Variants in ADGRD1 observed in about 807,000 individuals in gnomAD.
ADGRD1 encodes adhesion G protein-coupled receptor D1, also known as G-protein coupled receptor 133.
In ADGRD1, 77 loss-of-function variants were observed where a neutral mutation model predicts 113.4. That is an observed-to-expected ratio of 0.68 (90% CI 0.57 to 0.82). ADGRD1 has a LOEUF of 0.82. ADGRD1 is among the 40% of genes least tolerant of loss of function. The pLI is 0.00. For missense variants in ADGRD1, 1,036 were observed against 1,139.1 expected (o/e 0.91, Z 1.30); for synonymous variants, 474 against 475.0 (o/e 1.00, Z 0.03).
At chr12:131,017,255 A>T (rs552230999) in intron 13 of ADGRD1, among the ~76,000 whole-genome samples, 1 of 151,208 alleles carries the variant, frequency 6.6e-6, no homozygotes, top group Non-Finnish European at 1.5e-5. Flanking sequence ...ACATACACTC[A>T]GTCCACACAC....
At chr12:130,976,559 G>A (rs1872335194) in intron 4 of ADGRD1, among the ~76,000 whole-genome samples, 1 of 152,242 alleles carries the variant, frequency 6.6e-6, no homozygotes, top group African/African-American at 2.4e-5. Context: ...CGGAATCCGC[G>A]GCTGACTATA....
In ADGRD1 at chr12:131,038,546, C is replaced by T. The variant is rs977872196; in HGVS notation, c.1473+24206C>T. The stretch of plus-strand genomic sequence containing the variant: ...ACAACAGAGGGGCCGATACTACAGT[C>T]GGGGGGCAGACATGGCAAGTGGAAA... On this transcript the variant is annotated intron_variant, in intron 13 of 24. Coordinates refer to ENST00000261654, the MANE Select transcript of ADGRD1 (RefSeq NM_198827.5). 2.0e-5 allele frequency among the ~76,000 whole-genome samples: 3 copies of T among 152,212 alleles called. No homozygotes were observed. In the South Asian group the frequency reaches 6.2e-4, roughly 32 times the overall value.
chr12:131,054,665 G>A (rs1008980914), intron 13 of ADGRD1, among the ~76,000 whole-genome samples: 2 of 152,162 alleles, frequency 1.3e-5, no homozygotes, highest in Non-Finnish European at 2.9e-5. Flanking sequence ...AGTCTCTGCT[G>A]CGCTGAGAAC....
rs370096076 is a variant in ADGRD1, at chr12:130,959,936, C to A, written c.103+5276C>A. 1.1e-4 allele frequency among the ~76,000 whole-genome samples: 17 copies of A among 152,236 alleles called. No homozygotes were observed. The East Asian group carries it at 2.3e-3, about 21-fold the overall frequency. On this transcript the variant is annotated intron_variant, in intron 2 of 24. Transcript: ENST00000261654. ...AGCCACTTCTCACTTTACAGGGAAG[C>A]CAGGAGGTAGGTTTGGAGAGGGAAA...
intron 12 of ADGRD1, among the ~76,000 whole-genome samples, chr12:131,009,824 T>C (rs1877647188): frequency 6.6e-6 from 1 of 152,236 alleles, no homozygotes; most frequent in South Asian, 2.1e-4. Flanking sequence ...GTGGTATGTG[T>C]GTGTCAAGTG....
At chr12:131,076,296 G>A (rs1885601273) in intron 13 of ADGRD1, among the ~76,000 whole-genome samples, 1 of 152,224 alleles carries the variant, frequency 6.6e-6, no homozygotes, top group South Asian at 2.1e-4. Context: ...ACACACAGTG[G>A]ACAGTGGATA....
chr12:131,138,377 C>A lies in ADGRD1; in HGVS notation c.2529+148C>A, dbSNP rs545773942. ...CTCTCATGCCTGCAGGCTGCACGTG[C>A]TCTGGGCTTGTGTCCCCCACACAGT... On this transcript the variant is annotated intron_variant, in intron 24 of 24. Transcript: ENST00000261654. The A allele has an allele frequency of 3.1e-5, 21 of 671,230 alleles. No individual in the cohort carries two copies. The East Asian group carries it at 4.9e-4, about 16-fold the overall frequency. The allele number at this position is 671,230 out of a possible 1,614,324, so 41.6% of individuals were successfully genotyped here. A position where few individuals can be genotyped will look rare whatever the true frequency, so the allele number is the denominator to read the frequency against.
In ADGRD1 at chr12:130,954,389, G is replaced by A; in HGVS notation, c.-77G>A. On this transcript the variant is annotated 5_prime_UTR_variant, in exon 1 of 25. It adds an upstream start codon to the 5' untranslated region. Coordinates refer to ENST00000261654, the MANE Select transcript of ADGRD1 (RefSeq NM_198827.5). This position sits in a 1 kb window ranked among gnomAD's most constrained non-coding sequence, Gnocchi z 4.7. ...GTGAAAATGTCCCTTTTCCAAGGAAGTGAAGGTTAAGAGGTCCCGTTCTCA... is the reference window on the plus strand; with the variant it reads ...GTGAAAATGTCCCTTTTCCAAGGAAATGAAGGTTAAGAGGTCCCGTTCTCA... 1 of 1,275,348 alleles carries A rather than the reference G, an allele frequency of 7.8e-7. No individual in the cohort carries two copies. The highest frequency in any genetic ancestry group is 1.1e-6 in the Non-Finnish European group (1 of 922,088). 79.0% of individuals were successfully genotyped at this position (1,275,348 alleles called of 1,614,324 possible). A position where few individuals can be genotyped will look rare whatever the true frequency, so the allele number is the denominator to read the frequency against.
intron 12 of ADGRD1, among the ~76,000 whole-genome samples, chr12:131,011,661 A>G (rs1877911888): frequency 6.6e-6 from 1 of 152,216 alleles, no homozygotes; most frequent in Non-Finnish European, 1.5e-5. Flanking sequence ...GGGACAAATC[A>G]TGCTGCGTGT....
rs768894964 is a variant in ADGRD1, at chr12:130,982,020, G to A, written c.447G>A (p.Thr149=). ...SGGRGSVELY[T]RDNSMTWEAS... ...GCAGAGGCTCTGTGGAGCTGTATAC[G>A]CGGGACAATTCCATGACATGGGAGG... Residue 149 remains threonine (T), a synonymous_variant, in exon 5 of 25, where the codon ACG becomes ACA. Transcript: ENST00000261654. 6.2e-6 allele frequency: 10 copies of A among 1,613,880 alleles called. No homozygotes were observed. The East Asian group carries it at 1.1e-4, about 18-fold the overall frequency.
intron 13 of ADGRD1, chr12:131,026,262 G>A (rs1257158939): frequency 1.3e-5 from 2 of 152,260 alleles, no homozygotes; most frequent in African/African-American, 4.8e-5. Context: ...CCCTCCAGAG[G>A]GCTGGGTGGC....
chr12:131,002,297 C>T (rs768279416), intron 9 of ADGRD1, among the ~76,000 whole-genome samples: 5 of 152,230 alleles, frequency 3.3e-5, no homozygotes, highest in East Asian at 1.9e-4. Context: ...ATGCATGAAT[C>T]GGTCTCTACC....
At chr12:131,040,989 T>A (rs3847689) in intron 13 of ADGRD1, among the ~76,000 whole-genome samples, 1 of 152,084 alleles carries the variant, frequency 6.6e-6, no homozygotes, top group Non-Finnish European at 1.5e-5. Flanking sequence ...GGCAGGACAG[T>A]GGGGCTGAAT....
intron 13 of ADGRD1, among the ~76,000 whole-genome samples, chr12:131,046,074 C>T (rs901516258): frequency 8.9e-5 from 13 of 146,440 alleles, no homozygotes; most frequent in Non-Finnish European, 1.4e-4. Context: ...GTGTCCTTCC[C>T]GGTCAGCGTC....
At chr12:131,125,452 G>A (rs1950717927) in intron 20 of ADGRD1, among the ~76,000 whole-genome samples, 1 of 152,098 alleles carries the variant, frequency 6.6e-6, no homozygotes, top group Non-Finnish European at 1.5e-5. Context: ...TCTCCCTTGG[G>A]GAGAAGCCAG....
In ADGRD1 at chr12:131,057,975, G is replaced by A. The variant is rs1884019370; in HGVS notation, c.1474-18826G>A. ...TCCTTGTCTATGCACCAGGGAGAAT[G>A]AGCTTCTGTTATTTTAACCTTTGTA... On this transcript the variant is annotated intron_variant, in intron 13 of 24. Transcript: ENST00000261654. The surrounding 1 kb of genome is among the most constrained non-coding windows in gnomAD (Gnocchi z 4.2). Among the ~76,000 whole-genome samples the A allele has an allele frequency of 6.6e-6, 1 of 152,154 alleles. No individual in the cohort carries two copies. The highest frequency in any genetic ancestry group is 2.4e-5 in the African/African-American group (1 of 41,420).
intron 8 of ADGRD1, among the ~76,000 whole-genome samples, chr12:130,999,062 A>G (rs1208246973): frequency 6.6e-6 from 1 of 152,212 alleles, no homozygotes; most frequent in Non-Finnish European, 1.5e-5. Context: ...CACCTTTTTT[A>G]TTCTACTTCT....
rs1250580629 is a variant in ADGRD1, at chr12:130,984,922, CTCTCT to C, written c.491-2167_491-2163del. On this transcript the variant is annotated intron_variant, in intron 5 of 24. Transcript: ENST00000261654. This position sits in a 1 kb window ranked among gnomAD's most constrained non-coding sequence, Gnocchi z 4.1. Reference sequence around the variant, plus strand: ...CTCTCTCTCTCTCACTCTCTCTCTCCTCTCTTCTCTCTTTCTCTCTTTCTTTCTTT... The same window carrying C: ...CTCTCTCTCTCTCACTCTCTCTCTCCTCTCTCTTTCTCTCTTTCTTTCTTT... Among the ~76,000 whole-genome samples, 1 of 149,878 alleles carries C rather than the reference CTCTCT, an allele frequency of 6.7e-6. No homozygotes were observed. The highest frequency in any genetic ancestry group is 2.5e-5 in the African/African-American group (1 of 40,580).
At chr12:131,071,599 C>CA (rs1439700526) in intron 13 of ADGRD1, among the ~76,000 whole-genome samples, 1 of 152,198 alleles carries the variant, frequency 6.6e-6, no homozygotes, top group Non-Finnish European at 1.5e-5. Context: ...CCTCTCCACA[C>CA]ATACCATGGC....
Sources: gnomAD v4.1 joint callset for allele counts (sites outside exome capture counted in the v4.1 genomes callset) on GRCh38, gnomAD v4.1.1 for gene constraint, Gnocchi (gnomAD v3.1) non-coding constraint, MANE v1.5 for transcripts, NCBI Gene and HGNC (gene_info 2026-07-23, HGNC 2026-07-21) for gene names.